UGT1A6: variants seen among roughly 807,000 people sequenced by gnomAD.
UGT1A6 encodes the protein UDP-glucuronosyltransferase 1A6.
In UGT1A6, 32 loss-of-function variants were observed where a neutral mutation model predicts 44.4. That is an observed-to-expected ratio of 0.72 (90% confidence interval 0.54 to 0.97). UGT1A6 has a LOEUF of 0.97. Ranked by LOEUF, UGT1A6 falls within the 50% of genes least tolerant of loss-of-function variation. The pLI is 0.00. For synonymous variants in UGT1A6, 238 were observed against 248.5 expected (o/e 0.96, Z 0.40); for missense variants, 685 against 661.9 (o/e 1.03, Z -0.38).
Position 233,769,697 on chromosome 2 carries a change from A to C in UGT1A6, c.1301+1258A>C. The C allele has an allele frequency of 6.5e-7, 1 of 1,535,580 alleles. No individual in the cohort carries two copies. The highest frequency in any genetic ancestry group is 8.8e-7 in the Non-Finnish European group (1 of 1,140,024). On this transcript the variant is annotated intron_variant, in intron 4 of 4. Transcript: ENST00000305139. The surrounding 1 kb of genome is among the most constrained non-coding windows in gnomAD (Gnocchi z 4.4). ...TGTGTGTGTGGTGGCACTGGATAAA[A>C]GATCAATGTTGGCTAGGCACCATGG...
chr2:233,742,523 T>A (rs1692010019), intron 1 of UGT1A6, among the ~76,000 whole-genome samples: 1 of 151,942 alleles, frequency 6.6e-6, no homozygotes, highest in Non-Finnish European at 1.5e-5. Context: ...GTCACAGTGC[T>A]GCAGAGATTT....
intron 1 of UGT1A6, among the ~76,000 whole-genome samples, chr2:233,736,818 G>A (rs761920295): frequency 6.6e-6 from 1 of 152,210 alleles, no homozygotes; most frequent in Non-Finnish European, 1.5e-5. Flanking sequence ...GTCCACTCCA[G>A]ATGCTCTTTG....
chr2:233,721,291 G>C (rs2076934131), intron 1 of UGT1A6, among the ~76,000 whole-genome samples: 1 of 152,084 alleles, frequency 6.6e-6, no homozygotes, highest in East Asian at 1.9e-4. Context: ...AATTAGGAAG[G>C]CATTTGAATA....
At chr2:233,737,569 A>C (rs1156653495) in intron 1 of UGT1A6, among the ~76,000 whole-genome samples, 3 of 152,164 alleles carry the variant, frequency 2.0e-5, no homozygotes, top group African/African-American at 7.2e-5. Context: ...TGCACCCACT[A>C]TCCAACCAGT....
intron 1 of UGT1A6, among the ~76,000 whole-genome samples, chr2:233,720,622 C>T (rs1468465541): frequency 1.3e-5 from 2 of 151,716 alleles, no homozygotes; most frequent in African/African-American, 4.8e-5. Context: ...ATTTGGGTTT[C>T]ATTGAAATAG....
intron 2 of UGT1A6, 103 bp from the exon 3 acceptor site, chr2:233,767,746 A>G (rs1269401537): frequency 1.3e-6 from 2 of 1,589,042 alleles, no homozygotes; most frequent in Non-Finnish European, 1.7e-6. Flanking sequence ...TCTGTTAAAG[A>G]CTGTTCCTTC....
At chr2:233,718,766 A>G in intron 1 of UGT1A6, 1 of 1,612,768 alleles carries the variant, frequency 6.2e-7, no homozygotes, top group Non-Finnish European at 8.5e-7. Context: ...GAAGGAAACA[A>G]ATGTAGCAGG....
At chr2:233,702,416 C>T (rs186724566) in intron 1 of UGT1A6, among the ~76,000 whole-genome samples, 47 of 152,146 alleles carry the variant, frequency 3.1e-4, no homozygotes, top group African/African-American at 1.1e-3. Context: ...ATAGAGATAG[C>T]GTTACTTCTT....
At position 233,693,799 on chromosome 2, in the gene UGT1A6, G is replaced by T. The variant is rs1193505615; in HGVS notation, c.795G>T (p.Arg265Ser). The stretch of plus-strand genomic sequence containing the variant: ...ATGACTTTGTGCTTGAATATCCTAG[G>T]CCGGTCATGCCCAACATGGTCTTCA... ...LRYDFVLEYP[R>S]PVMPNMVFIG... Residue 265 changes from arginine (R) to serine (S), a missense_variant, in exon 1 of 5, where the codon AGG becomes AGT. Arg to Ser is a moderately radical substitution (Grantham distance 110). Coordinates refer to ENST00000305139, the MANE Select transcript of UGT1A6 (RefSeq NM_001072.4). The T allele has an allele frequency of 6.2e-7, 1 of 1,614,036 alleles. No homozygotes were observed. Among genetic ancestry groups the T allele is most frequent in the Non-Finnish European group, 8.5e-7 (1 of 1,180,040 alleles).
rs113010112 is a variant in UGT1A6, at chr2:233,729,455, T to A, written c.861+35590T>A. ...GAAACAGAACATTTTCTGAAGAAAT[T>A]TTTCAGAAGTATGGCAATGTTGAAC... On this transcript the variant is annotated intron_variant, in intron 1 of 4. Coordinates refer to ENST00000305139, the MANE Select transcript of UGT1A6 (RefSeq NM_001072.4). The A allele has an allele frequency of 2.5e-6, 4 of 1,614,068 alleles. No individual in the cohort carries two copies. In the African/African-American group the frequency reaches 5.3e-5, roughly 22 times the overall value.
At chr2:233,760,852 C>A (rs770420506) in intron 1 of UGT1A6, 4 of 1,614,068 alleles carry the variant, frequency 2.5e-6, no homozygotes, top group Non-Finnish European at 3.4e-6. Flanking sequence ...GTGCCCCAAC[C>A]CATTCTCCTA....
Position 233,729,231 on chromosome 2 carries a change from C to G in UGT1A6, c.861+35366C>G, listed in dbSNP as rs777258735. ...AGAGTGGAAAGGTGTTGGTGGTGCC[C>G]ATTGATGGCAGCCACTGGCTCAGCA... On this transcript the variant is annotated intron_variant, in intron 1 of 4. Transcript: ENST00000305139. The G allele has an allele frequency of 2.5e-6, 4 of 1,614,060 alleles. No homozygotes were observed. The African/African-American group carries it at 4.0e-5, about 16-fold the overall frequency.
At chr2:233,764,093 T>G (rs1018562208) in intron 1 of UGT1A6, among the ~76,000 whole-genome samples, 2 of 152,200 alleles carry the variant, frequency 1.3e-5, no homozygotes, top group African/African-American at 4.8e-5. Context: ...AAGCCTAAAC[T>G]AAAAATACAA....
At chr2:233,747,480 G>T in intron 1 of UGT1A6, 2 of 1,608,986 alleles carry the variant, frequency 1.2e-6, no homozygotes, top group Non-Finnish European at 1.7e-6. Context: ...GGATGAATTT[G>T]ATCGCCTTGT....
chr2:233,710,549 C>T (rs2076136542), intron 1 of UGT1A6, among the ~76,000 whole-genome samples: 1 of 152,072 alleles, frequency 6.6e-6, no homozygotes. Flanking sequence ...GATCATATGC[C>T]TGTTTTCTTT....
chr2:233,701,455 G>T (rs573643817), intron 1 of UGT1A6, among the ~76,000 whole-genome samples: 1 of 152,102 alleles, frequency 6.6e-6, no homozygotes, highest in African/African-American at 2.4e-5. Context: ...AGTTAACAAG[G>T]ATACCCAGGA....
intron 1 of UGT1A6, chr2:233,712,899 G>A (rs2076260156): frequency 1.1e-5 from 18 of 1,608,322 alleles, no homozygotes; most frequent in Non-Finnish European, 1.4e-5. Context: ...TGATTTGCTA[G>A]GTGTCTCAGT....
intron 1 of UGT1A6, among the ~76,000 whole-genome samples, chr2:233,705,281 A>G (rs2075838525): frequency 6.6e-6 from 1 of 152,236 alleles, no homozygotes; most frequent in Non-Finnish European, 1.5e-5. Flanking sequence ...TTCAACCTGA[A>G]GAACTTCCTT....
At chr2:233,706,530 A>G (rs921151906) in intron 1 of UGT1A6, among the ~76,000 whole-genome samples, 13 of 152,210 alleles carry the variant, frequency 8.5e-5, no homozygotes, top group African/African-American at 2.9e-4. Context: ...GCGGCTTAGA[A>G]ACACAGCTTT....
Sources: allele counts gnomAD v4.1 joint callset (sites outside exome capture counted in the v4.1 genomes callset), GRCh38; gene constraint gnomAD v4.1.1; non-coding constraint Gnocchi (gnomAD v3.1); transcripts MANE v1.5; gene names NCBI Gene and HGNC (gene_info 2026-07-23, HGNC 2026-07-21).